The following TMEM178A variants were observed in gnomAD, a reference collection of about 807,000 sequenced individuals.
TMEM178A encodes the protein transmembrane protein 178A.
In TMEM178A, 12 loss-of-function variants were observed where a neutral mutation model predicts 29.1. The ratio of observed to expected loss-of-function variants is 0.41; its 90% CI spans 0.26 to 0.67. The LOEUF is 0.67. Ranked by LOEUF, TMEM178A falls within the 30% of genes least tolerant of loss-of-function variation. The probability of loss-of-function intolerance (pLI) is 0.29; values close to 1 mark genes in which losing one functional copy is unlikely to be tolerated. For missense variants in TMEM178A, 366 were observed against 419.1 expected, an observed-to-expected ratio of 0.87 and a Z score of 1.11; for synonymous variants, 210 against 187.2, an observed-to-expected ratio of 1.12 and a Z score of -0.99.
At chr2:39,711,639 T>A (rs1374060545) in intron 3 of TMEM178A, among the ~76,000 whole-genome samples, 1 of 152,196 alleles carries the variant, frequency 6.6e-6, no homozygotes, top group East Asian at 1.9e-4. Flanking sequence ...TTTGTTTTAA[T>A]GAATCCAAAT....
intron 1 of TMEM178A, among the ~76,000 whole-genome samples, chr2:39,695,487 G>C (rs1181873883): frequency 6.6e-6 from 1 of 151,054 alleles, no homozygotes; most frequent in Non-Finnish European, 1.5e-5. Flanking sequence ...AAGAGAGTGA[G>C]CTATGTGGTC....
At chr2:39,680,348 C>T (rs936612147) in intron 1 of TMEM178A, among the ~76,000 whole-genome samples, 2 of 152,150 alleles carry the variant, frequency 1.3e-5, no homozygotes, top group Admixed American at 6.5e-5. Context: ...AGTTTAAGGG[C>T]CTTTTTCGGT....
chr2:39,665,863 T>TG (rs1367851656), upstream of TMEM178A: 2 of 810,148 alleles, frequency 2.5e-6, no homozygotes, highest in African/African-American at 5.5e-5. Context: ...AGGAGGGAGG[T>TG]GGGGGGCAGG....
intron 1 of TMEM178A, among the ~76,000 whole-genome samples, chr2:39,677,622 A>T: frequency 6.6e-6 from 1 of 152,244 alleles, no homozygotes; most frequent in East Asian, 1.9e-4. Context: ...GGGAGGAAGC[A>T]GTTGTTCAGC....
chr2:39,665,899 G>T, upstream of TMEM178A: 1 of 1,252,648 alleles, frequency 8.0e-7, no homozygotes, highest in Non-Finnish European at 1.0e-6. Flanking sequence ...GGGAGCGGGC[G>T]GAGAGCTGGG....
At chr2:39,716,527 C>T (rs914797167) in intron 3 of TMEM178A, among the ~76,000 whole-genome samples, 1 of 151,944 alleles carries the variant, frequency 6.6e-6, no homozygotes, top group Non-Finnish European at 1.5e-5. Context: ...TTTAAGGCAA[C>T]ATGATAAATA....
Position 39,665,918 on chromosome 2 carries a change from CAT to C in TMEM178A, c.-56_-55del. On this transcript the variant is annotated 5_prime_UTR_variant, in exon 1 of 4. Coordinates refer to ENST00000281961, the MANE Select transcript of TMEM178A (RefSeq NM_152390.3). ...GCGGGCGGAGAGCTGGGGCCAAGTG[CAT>C]TGTGTCTGGCGGCGGCGCGCGAGCC... is the stretch of plus-strand genomic sequence containing the variant. The C allele has an allele frequency of 1.5e-6, 2 of 1,323,232 alleles. No homozygotes were observed. Among genetic ancestry groups the C allele is most frequent in the South Asian group, 4.0e-5 (2 of 49,868 alleles). The allele number at this position is 1,323,232 out of a possible 1,614,324, so 82.0% of individuals were successfully genotyped here.
chr2:39,700,845 T>G lies in TMEM178A; in HGVS notation c.401-3236T>G, dbSNP rs956638279. On this transcript the variant is annotated intron_variant, in intron 1 of 3. Coordinates refer to ENST00000281961, the MANE Select transcript of TMEM178A (RefSeq NM_152390.3). ...TTTCATTTACTACATATTTTTTTTT[T>G]GTTATTTTCTTAGTGGTTGCCCTGT... 2.0e-5 allele frequency among the ~76,000 whole-genome samples: 3 copies of G among 151,980 alleles called. 1 individual carries two copies. In the South Asian group the frequency reaches 6.2e-4, roughly 31 times the overall value.
chr2:39,712,041 TTGTGTG>T (rs61303746), intron 3 of TMEM178A, among the ~76,000 whole-genome samples: 35 of 139,348 alleles, frequency 2.5e-4, no homozygotes, highest in African/African-American at 5.8e-4. Flanking sequence ...GAATTGCATT[TTGTGTG>T]TGTGTGTGTG....
chr2:39,707,311 G>A (rs1430334031), intron 3 of TMEM178A, 125 bp downstream of exon 3: 2 of 1,212,672 alleles, frequency 1.6e-6, no homozygotes, highest in Non-Finnish European at 1.1e-6. Flanking sequence ...GCAACCAGAA[G>A]GTCATTTTGG....
intron 3 of TMEM178A, among the ~76,000 whole-genome samples, chr2:39,714,358 A>G (rs1383341238): frequency 6.6e-6 from 1 of 152,172 alleles, no homozygotes; most frequent in East Asian, 1.9e-4. Context: ...CTGTTCCAAA[A>G]AAAAAACTTA....
chr2:39,706,660 G>C (rs1302778958), intron 2 of TMEM178A, among the ~76,000 whole-genome samples: 1 of 152,052 alleles, frequency 6.6e-6, no homozygotes, highest in Non-Finnish European at 1.5e-5. Context: ...ATAGTTTTTG[G>C]GGTACAGGTG....
At position 39,717,612 on chromosome 2, in the gene TMEM178A, C is replaced by T. The variant is rs1055410804; in HGVS notation, c.*361C>T. The T allele has an allele frequency of 2.8e-5, 5 of 176,680 alleles. No individual in the cohort carries two copies. Among genetic ancestry groups the T allele is most frequent in the Non-Finnish European group, 6.0e-5 (5 of 82,786 alleles). The allele number at this position is 176,680 out of a possible 1,614,324, so 10.9% of individuals were successfully genotyped here. ...AGTCATTTCTACTTGCAAAAGGATT[C>T]GTAACAAAGCGAGTATAATTTTCTT... On this transcript the variant is annotated 3_prime_UTR_variant, in exon 4 of 4. Coordinates refer to ENST00000281961, the MANE Select transcript of TMEM178A (RefSeq NM_152390.3).
intron 1 of TMEM178A, among the ~76,000 whole-genome samples, chr2:39,667,357 T>C (rs1670213745): frequency 6.7e-6 from 1 of 149,914 alleles, no homozygotes; most frequent in South Asian, 2.1e-4. Context: ...TTTTTGGTAA[T>C]CCCATTCACG....
intron 1 of TMEM178A, among the ~76,000 whole-genome samples, chr2:39,670,806 A>G (rs1029520511): frequency 1.3e-5 from 2 of 152,268 alleles, no homozygotes; most frequent in African/African-American, 2.4e-5. Flanking sequence ...AAATGACATT[A>G]GAAGTTCAGC....
chr2:39,683,846 G>A (rs928386716), intron 1 of TMEM178A, among the ~76,000 whole-genome samples: 12 of 152,094 alleles, frequency 7.9e-5, no homozygotes, highest in African/African-American at 2.9e-4. Flanking sequence ...AAATACTGAC[G>A]TACTTGAGAT....
intron 1 of TMEM178A, among the ~76,000 whole-genome samples, chr2:39,688,111 C>T (rs1349469853): frequency 1.3e-5 from 2 of 152,196 alleles, no homozygotes; most frequent in African/African-American, 4.8e-5. Context: ...AATTATGTGG[C>T]CTTTGGCAGG....
chr2:39,692,165 G>A (rs1467189736), intron 1 of TMEM178A, among the ~76,000 whole-genome samples: 1 of 152,140 alleles, frequency 6.6e-6, no homozygotes, highest in African/African-American at 2.4e-5. Context: ...TGATAACCAG[G>A]GGCAGGGGGA....
the TMEM178A span, among the ~76,000 whole-genome samples, chr2:39,725,793 T>C: frequency 1.3e-5 from 2 of 152,356 alleles, no homozygotes; most frequent in East Asian, 1.9e-4. Context: ...CATACGATTG[T>C]AGACTCAAAC....
Sources: allele counts gnomAD v4.1 joint callset (sites outside exome capture counted in the v4.1 genomes callset), GRCh38; gene constraint gnomAD v4.1.1; transcripts MANE v1.5; gene names NCBI Gene and HGNC (gene_info 2026-07-23, HGNC 2026-07-21).